PLS1: variants seen among roughly 807,000 people sequenced by gnomAD.
PLS1 encodes the protein plastin-1.
Under a neutral mutation model 73.7 loss-of-function variants are expected in PLS1, and 32 were observed. The ratio of observed to expected loss-of-function variants is 0.43; its 90% confidence interval spans 0.33 to 0.58. PLS1 has a LOEUF of 0.58. Ranked by LOEUF, PLS1 falls within the 20% of genes least tolerant of loss-of-function variation. The pLI is 0.04. For missense variants in PLS1, 633 were observed against 740.5 expected (o/e 0.85, Z 1.68); for synonymous variants, 217 against 261.3 (o/e 0.83, Z 1.63).
chr3:142,672,778 T>C (rs1218696217), intron 4 of PLS1, among the ~76,000 whole-genome samples: 4 of 152,216 alleles, frequency 2.6e-5, no homozygotes, highest in Non-Finnish European at 5.9e-5. Flanking sequence ...TGAGATATAA[T>C]TGACATACCA....
intron 6 of PLS1, among the ~76,000 whole-genome samples, chr3:142,682,396 A>G (rs1275221991): frequency 1.3e-5 from 2 of 152,216 alleles, no homozygotes; most frequent in Non-Finnish European, 2.9e-5. Flanking sequence ...CAGTGAAGAC[A>G]AGAGGATAGC....
chr3:142,681,629 C>T (rs914994372), intron 6 of PLS1, among the ~76,000 whole-genome samples: 1 of 152,166 alleles, frequency 6.6e-6, no homozygotes, highest in African/African-American at 2.4e-5. Flanking sequence ...GTTTGTGGTT[C>T]CCTACTCTCC....
At chr3:142,648,809 T>C (rs1238896640) in intron 1 of PLS1, among the ~76,000 whole-genome samples, 1 of 152,204 alleles carries the variant, frequency 6.6e-6, no homozygotes, top group Non-Finnish European at 1.5e-5. Context: ...GTTCCCTTTG[T>C]GCTTTGAAAG....
intron 10 of PLS1, among the ~76,000 whole-genome samples, chr3:142,693,288 T>C (rs915542760): frequency 1.3e-5 from 2 of 152,230 alleles, no homozygotes; most frequent in Non-Finnish European, 2.9e-5. Context: ...ATCCTTTAGA[T>C]CTGACAAGGC....
chr3:142,704,665 T>TTTTTTTG, intron 14 of PLS1, 79 bp downstream of exon 14: 1 of 552,240 alleles, frequency 1.8e-6, no homozygotes, highest in Non-Finnish European at 2.8e-6. Flanking sequence ...TTTTTTTTTT[T>TTTTTTTG]GGAGATGGAG....
intron 1 of PLS1, among the ~76,000 whole-genome samples, chr3:142,635,330 T>G (rs1553782961): frequency 6.6e-6 from 1 of 151,558 alleles, no homozygotes; most frequent in Non-Finnish European, 1.5e-5. Context: ...GAGAAAAAAC[T>G]TAACCTTATC....
chr3:142,658,445 C>T (rs2037289500), intron 1 of PLS1, among the ~76,000 whole-genome samples: 1 of 149,366 alleles, frequency 6.7e-6, no homozygotes, highest in African/African-American at 2.5e-5. Context: ...CACTGCACTC[C>T]AGCCTGGGCA....
At chr3:142,665,480 A>G (rs981933933) in intron 2 of PLS1, among the ~76,000 whole-genome samples, 4 of 152,306 alleles carry the variant, frequency 2.6e-5, no homozygotes, top group East Asian at 1.9e-4. Flanking sequence ...ACAATCATAC[A>G]TTTTATAGAG....
chr3:142,711,884 A>AAT lies in PLS1; in HGVS notation c.1767_1768insAT (p.Val590MetfsTer18). On this transcript the variant is annotated frameshift_variant, in exon 16 of 16. Transcript: ENST00000457734. LOFTEE classifies it high-confidence loss of function. ...TTGTCTCTTCAAGATACGCCATTTC[A>AAT]GTTGCTCGAAAGATCGGTGCCCGGA... is the stretch of plus-strand genomic sequence containing the variant. 6.2e-7 allele frequency: 1 copy of AAT among 1,613,686 alleles called. No homozygotes were observed. Among genetic ancestry groups the AAT allele is most frequent in the Non-Finnish European group, 8.5e-7 (1 of 1,179,622 alleles).
rs200955742 is a variant in PLS1 at position 142,669,573 on chromosome 3, C to T, written c.234+20C>T. 107 of 1,584,568 alleles carry T rather than the reference C, an allele frequency of 6.8e-5. No homozygotes were observed. Among genetic ancestry groups the T allele is most frequent in the Admixed American group, 4.6e-4 (27 of 58,522 alleles). On this transcript the variant is annotated intron_variant, in intron 3 of 15. Transcript: ENST00000457734. ...GTGTCAGTAAGTAATCTAATCCTTT[C>T]GGGCTACTGATAATCTTGCTTAGAG...
intron 1 of PLS1, among the ~76,000 whole-genome samples, chr3:142,646,063 C>G (rs1290509269): frequency 6.6e-6 from 1 of 152,116 alleles, no homozygotes; most frequent in Non-Finnish European, 1.5e-5. Flanking sequence ...GGTTCAGAGC[C>G]CAGCTCTGCC....
At chr3:142,618,582 T>C (rs561438957) in intron 1 of PLS1, among the ~76,000 whole-genome samples, 4 of 152,318 alleles carry the variant, frequency 2.6e-5, no homozygotes, top group Non-Finnish European at 5.9e-5. Context: ...TTTCTTTTGA[T>C]GGTAGACCTG....
intron 1 of PLS1, among the ~76,000 whole-genome samples, chr3:142,600,409 G>A (rs2035893229): frequency 6.6e-6 from 1 of 152,092 alleles, no homozygotes; most frequent in South Asian, 2.1e-4. Context: ...GCTTTGGAGA[G>A]GGTAGGCCAG....
At position 142,689,833 on chromosome 3, in the gene PLS1, A is replaced by T. The variant is rs761938883; in HGVS notation, c.1177+20A>T. The T allele has an allele frequency of 6.8e-7, 1 of 1,465,318 alleles. No individual in the cohort carries two copies. The highest frequency in any genetic ancestry group is 2.0e-5 in the Admixed American group (1 of 51,152). The allele number at this position is 1,465,318 out of a possible 1,614,324, so 90.8% of individuals were successfully genotyped here. ...TGGAAGGTGCGTTCTTTCTGCCTTT[A>T]ATTGACTTGCTATATTTATCTTCTT... On this transcript the variant is annotated intron_variant, in intron 10 of 15. Coordinates refer to ENST00000457734, the MANE Select transcript of PLS1 (RefSeq NM_001145319.2).
At chr3:142,601,430 A>G (rs2035926150) in intron 1 of PLS1, among the ~76,000 whole-genome samples, 1 of 152,112 alleles carries the variant, frequency 6.6e-6, no homozygotes, top group Non-Finnish European at 1.5e-5. Context: ...GTATTACAGA[A>G]TATCTTCCAT....
chr3:142,710,975 C>T (rs1016709002), intron 14 of PLS1, among the ~76,000 whole-genome samples: 4 of 152,122 alleles, frequency 2.6e-5, no homozygotes, highest in Non-Finnish European at 4.4e-5. Flanking sequence ...TTATATTCTT[C>T]ATCTTTTTTT....
At chr3:142,648,580 G>A (rs1179765100) in intron 1 of PLS1, among the ~76,000 whole-genome samples, 2 of 152,138 alleles carry the variant, frequency 1.3e-5, no homozygotes, top group Non-Finnish European at 2.9e-5. Flanking sequence ...TGGTCAACTG[G>A]AACTTCAAAA....
chr3:142,689,088 A>G (rs1474077300), intron 9 of PLS1, among the ~76,000 whole-genome samples: 2 of 152,170 alleles, frequency 1.3e-5, no homozygotes, highest in Non-Finnish European at 2.9e-5. Context: ...AGGGTAAAAT[A>G]TAACTCAGTT....
chr3:142,704,797 C>T (rs1296596581), intron 14 of PLS1, among the ~76,000 whole-genome samples: 2 of 149,960 alleles, frequency 1.3e-5, no homozygotes, highest in East Asian at 1.9e-4. Flanking sequence ...TACAGGTGCC[C>T]GCCACCACAC....
Sources: allele counts gnomAD v4.1 joint callset (sites outside exome capture counted in the v4.1 genomes callset), GRCh38; gene constraint gnomAD v4.1.1; transcripts MANE v1.5; gene names NCBI Gene and HGNC (gene_info 2026-07-23, HGNC 2026-07-21).